PTH2R: variants seen among roughly 807,000 people sequenced by gnomAD.
The protein encoded by PTH2R is parathyroid hormone 2 receptor, also known as PTH2 receptor.
In PTH2R, 59 loss-of-function variants were observed where a neutral mutation model predicts 60.3. The observed-to-expected ratio is 0.98, with a 90% CI of 0.79 to 1.22. The LOEUF (loss-of-function observed/expected upper bound fraction) is 1.22, where lower values mean the gene tolerates loss of function less well. Ranked by LOEUF, PTH2R falls within the 50% of genes most tolerant of loss-of-function variation. The probability of loss-of-function intolerance (pLI) is 0.00; values close to 1 mark genes in which losing one functional copy is unlikely to be tolerated. For missense variants in PTH2R, 749 were observed against 682.6 expected (o/e 1.10, Z -1.08); for synonymous variants, 256 against 243.8 (o/e 1.05, Z -0.47).
intron 1 of PTH2R, among the ~76,000 whole-genome samples, chr2:208,363,905 G>T (rs1440446137): frequency 6.6e-6 from 1 of 152,068 alleles, no homozygotes; most frequent in East Asian, 1.9e-4. Context: ...GTAGATTCTG[G>T]ATATTAGACC....
At chr2:208,379,440 TA>T (rs913459215) in intron 1 of PTH2R, among the ~76,000 whole-genome samples, 1 of 152,090 alleles carries the variant, frequency 6.6e-6, no homozygotes, top group Non-Finnish European at 1.5e-5. Flanking sequence ...ACTGCAGTGA[TA>T]AAAAAATAAA....
chr2:208,433,256 A>G (rs992222876), intron 2 of PTH2R, among the ~76,000 whole-genome samples: 1 of 152,240 alleles, frequency 6.6e-6, no homozygotes, highest in African/African-American at 2.4e-5. Flanking sequence ...CGTTATTTGC[A>G]TGGAGATCTT....
At chr2:208,487,172 G>A (rs571165093) in intron 10 of PTH2R, among the ~76,000 whole-genome samples, 1 of 152,310 alleles carries the variant, frequency 6.6e-6, no homozygotes, top group Non-Finnish European at 1.5e-5. Context: ...TCCCAGTAAA[G>A]CCTGAGAATA....
At chr2:208,376,192 T>A (rs1461883086) in intron 1 of PTH2R, among the ~76,000 whole-genome samples, 2 of 152,148 alleles carry the variant, frequency 1.3e-5, no homozygotes, top group Non-Finnish European at 2.9e-5. Context: ...CAGTCAGTAA[T>A]GATGGCATTT....
intron 1 of PTH2R, chr2:208,360,742 G>A (rs1700455105): frequency 6.5e-6 from 1 of 153,666 alleles, no homozygotes; most frequent in African/African-American, 2.4e-5. Flanking sequence ...CAGGCACGCA[G>A]TGCTGTCGTG....
At chr2:208,401,193 A>G (rs755925998) in intron 1 of PTH2R, among the ~76,000 whole-genome samples, 10 of 152,278 alleles carry the variant, frequency 6.6e-5, no homozygotes, top group East Asian at 1.9e-4. Flanking sequence ...CTCTTCTTCC[A>G]TCTGTATGGG....
intron 1 of PTH2R, among the ~76,000 whole-genome samples, chr2:208,368,015 T>A (rs1700626252): frequency 1.8e-5 from 1 of 55,846 alleles, no homozygotes. Flanking sequence ...TTATTCATTA[T>A]CTCTCAAAGA....
chr2:208,465,225 C>T (rs116705256), intron 9 of PTH2R, among the ~76,000 whole-genome samples: 1 of 152,092 alleles, frequency 6.6e-6, no homozygotes, highest in African/African-American at 2.4e-5. Context: ...ATCCACTCGC[C>T]TCTGCCTCCC....
intron 9 of PTH2R, among the ~76,000 whole-genome samples, chr2:208,463,009 A>AG (rs1267286939): frequency 4.6e-5 from 7 of 152,226 alleles, no homozygotes; most frequent in African/African-American, 1.7e-4. Context: ...TGAAGCTGGC[A>AG]GTGGGTAACC....
Position 208,441,901 on chromosome 2 carries a change from C to A in PTH2R, c.412-463C>A, listed in dbSNP as rs1162056901. Among the ~76,000 whole-genome samples, 7 of 152,124 alleles carry A rather than the reference C, an allele frequency of 4.6e-5. 1 individual carries two copies. The highest frequency in any genetic ancestry group is 1.7e-4 in the African/African-American group (7 of 41,434). On this transcript the variant is annotated intron_variant, in intron 4 of 12. Transcript: ENST00000272847. The stretch of plus-strand genomic sequence containing the variant: ...TGAAGGGAACCTGGGGCTTTTCTTA[C>A]ACTATTTTCTACTTCTTTTGAATCT...
chr2:208,361,773 T>TA (rs1553539452), intron 1 of PTH2R, among the ~76,000 whole-genome samples: 19 of 151,148 alleles, frequency 1.3e-4, no homozygotes, highest in South Asian at 2.1e-4. Context: ...TTTTTTTTTT[T>TA]AAAAAAAAGG....
intron 1 of PTH2R, among the ~76,000 whole-genome samples, chr2:208,422,551 A>G (rs988777864): frequency 6.6e-6 from 1 of 152,234 alleles, no homozygotes; most frequent in Non-Finnish European, 1.5e-5. Flanking sequence ...TAAAATAATC[A>G]TATCTAAAAC....
intron 10 of PTH2R, among the ~76,000 whole-genome samples, chr2:208,487,934 T>G (rs1002352790): frequency 3.9e-5 from 6 of 152,146 alleles, no homozygotes; most frequent in African/African-American, 1.4e-4. Context: ...TGCAATGTAA[T>G]CTCAGAAGTG....
chr2:208,368,055 C>T (rs1700627485), intron 1 of PTH2R, among the ~76,000 whole-genome samples: 1 of 152,168 alleles, frequency 6.6e-6, no homozygotes, highest in Non-Finnish European at 1.5e-5. Context: ...TTAGGAGCAA[C>T]TGGATATTGC....
chr2:208,465,805 G>A (rs1308002375), intron 9 of PTH2R, among the ~76,000 whole-genome samples: 1 of 152,168 alleles, frequency 6.6e-6, no homozygotes, highest in East Asian at 1.9e-4. Context: ...TAGGATTTCT[G>A]AGAAAAGTAT....
intron 12 of PTH2R, among the ~76,000 whole-genome samples, chr2:208,491,519 C>T (rs1703403374): frequency 6.6e-6 from 1 of 152,266 alleles, no homozygotes; most frequent in Middle Eastern, 3.4e-3. Context: ...AGCCTTCTCT[C>T]TTACAGACTA....
At position 208,442,455 on chromosome 2, in the gene PTH2R, A is replaced by G; in HGVS notation, c.503A>G (p.Tyr168Cys). 2 of 1,602,390 alleles carry G rather than the reference A, an allele frequency of 1.2e-6. No homozygotes were observed. Among genetic ancestry groups the G allele is most frequent in the Non-Finnish European group, 1.7e-6 (2 of 1,169,446 alleles). Residue 168 changes from tyrosine to cysteine, a missense_variant, in exon 5 of 13, where the codon TAC becomes TGC. By Grantham distance (194) the Tyr-to-Cys change is radical. Coordinates refer to ENST00000272847, the MANE Select transcript of PTH2R (RefSeq NM_005048.4). ...SLAVAILIIG[Y>C]FRRLHCTRNY... ...GCTGTGGCTATTCTCATCATTGGTTACTTCAGGTGAGTGATGCCCATCACT... is the reference window on the plus strand; with the variant it reads ...GCTGTGGCTATTCTCATCATTGGTTGCTTCAGGTGAGTGATGCCCATCACT...
At chr2:208,405,081 T>C (rs1040761382), upstream of PTH2R, among the ~76,000 whole-genome samples, 5 of 152,232 alleles carry the variant, frequency 3.3e-5, no homozygotes, top group Non-Finnish European at 1.5e-5. Context: ...AGCAAACTTT[T>C]GTCCTCCACC....
chr2:208,362,808 A>G (rs74582373), intron 1 of PTH2R, among the ~76,000 whole-genome samples: 2,196 of 150,188 alleles, frequency 0.015, 26 homozygotes, highest in Admixed American at 0.026. Flanking sequence ...CAGGGTTTCA[A>G]TTTCTCTACA....
Sources: gnomAD v4.1 joint callset for allele counts (sites outside exome capture counted in the v4.1 genomes callset) on GRCh38, gnomAD v4.1.1 for gene constraint, MANE v1.5 for transcripts, NCBI Gene and HGNC (gene_info 2026-07-23, HGNC 2026-07-21) for gene names.